The following DPY30 variants were observed in gnomAD, a reference collection of about 807,000 sequenced individuals.
DPY30 encodes protein dpy-30 homolog.
A neutral mutation model predicts 16.2 loss-of-function variants in DPY30; 6 were observed. That is an observed-to-expected ratio of 0.37 (90% confidence interval 0.20 to 0.73). The LOEUF (loss-of-function observed/expected upper bound fraction) is 0.73. Among genes scored for constraint, DPY30 ranks in the 30% least tolerant of loss-of-function variants. The probability of loss-of-function intolerance (pLI) is 0.51; values close to 1 mark genes in which losing one functional copy is unlikely to be tolerated. For missense variants in DPY30, 73 were observed against 113.1 expected (o/e 0.65, Z 1.61); for synonymous variants, 39 against 38.8 (o/e 1.00, Z -0.02).
At chr2:32,039,549 G>T in intron 1 of DPY30, 57 bp from the exon 2 acceptor site, 3 of 1,557,756 alleles carry the variant, frequency 1.9e-6, no homozygotes, top group Non-Finnish European at 2.6e-6. Context: ...GAAGACTCCA[G>T]GATGGAGTGC....
intron 4 of DPY30, among the ~76,000 whole-genome samples, chr2:32,027,198 C>G (rs1292863571): frequency 1.3e-5 from 2 of 148,742 alleles, no homozygotes; most frequent in African/African-American, 5.0e-5. Context: ...ATCATTTGAA[C>G]TGGGAGTCAG....
intron 3 of DPY30, among the ~76,000 whole-genome samples, 197 bp from the exon 4 acceptor site, chr2:32,029,933 A>G (rs1034606156): frequency 6.6e-6 from 1 of 152,110 alleles, no homozygotes; most frequent in African/African-American, 2.4e-5. Context: ...TCTCTCTCCA[A>G]AAGCACCTAT....
At chr2:32,020,661 T>C (rs1231466968), downstream of DPY30, among the ~76,000 whole-genome samples, 1 of 152,190 alleles carries the variant, frequency 6.6e-6, no homozygotes, top group East Asian at 1.9e-4. Flanking sequence ...TATATACAGC[T>C]TTTTGTTCAA....
chr2:32,027,140 G>A (rs1227176229), intron 4 of DPY30, among the ~76,000 whole-genome samples: 1 of 143,202 alleles, frequency 7.0e-6, no homozygotes. Context: ...GCCACGTGTG[G>A]TGGCACACAC....
intron 5 of DPY30, among the ~76,000 whole-genome samples, chr2:32,013,818 GCCAAAAGGGCAAAA>G (rs967391050): frequency 7.9e-5 from 12 of 152,040 alleles, no homozygotes; most frequent in Non-Finnish European, 1.6e-4. Flanking sequence ...GACCAGCCTG[GCCAAAAGGGCAAAA>G]CCCCATCTCC....
chr2:32,036,825 C>G (rs1011222065), intron 3 of DPY30, among the ~76,000 whole-genome samples: 1 of 151,946 alleles, frequency 6.6e-6, no homozygotes, highest in Non-Finnish European at 1.5e-5. Context: ...GCCGAGATTG[C>G]ACCACTGCAC....
downstream of DPY30, among the ~76,000 whole-genome samples, chr2:32,019,440 G>A (rs1422858032): frequency 6.6e-6 from 1 of 152,190 alleles, no homozygotes; most frequent in East Asian, 1.9e-4. Flanking sequence ...TTGAGCCGAG[G>A]AGGCAGATTT....
At chr2:32,037,915 C>T (rs1675807655) in intron 3 of DPY30, among the ~76,000 whole-genome samples, 1 of 151,848 alleles carries the variant, frequency 6.6e-6, no homozygotes, top group Non-Finnish European at 1.5e-5. Flanking sequence ...AGAGTAACAG[C>T]ATTTCTAAGC....
At chr2:32,034,625 C>T (rs1262564848) in intron 3 of DPY30, among the ~76,000 whole-genome samples, 1 of 152,142 alleles carries the variant, frequency 6.6e-6, no homozygotes, top group Non-Finnish European at 1.5e-5. Context: ...AATATCCAAA[C>T]TATATTACAC....
At chr2:32,035,787 A>G (rs962770019) in intron 3 of DPY30, among the ~76,000 whole-genome samples, 1 of 151,618 alleles carries the variant, frequency 6.6e-6, no homozygotes. Context: ...TACAAAAATT[A>G]GCTGGGCATG....
intron 5 of DPY30, among the ~76,000 whole-genome samples, chr2:32,017,057 A>G (rs1317036926): frequency 2.0e-5 from 3 of 150,982 alleles, no homozygotes; most frequent in Non-Finnish European, 4.4e-5. Flanking sequence ...TAATTTTTGT[A>G]TTTTTCGTAG....
chr2:32,025,230 C>T (rs951242386), intron 4 of DPY30, among the ~76,000 whole-genome samples: 5 of 151,984 alleles, frequency 3.3e-5, no homozygotes, highest in Admixed American at 2.0e-4. Context: ...TTTGGGAAGC[C>T]GAGGCGGGTG....
At position 32,023,965 on chromosome 2, in the gene DPY30, A is replaced by G; in HGVS notation, c.*219T>C. Reference sequence around the variant, plus strand: ...AAAACAAAGTTAAAGACAATCTGAGAAAAAAATTGCACAGAATACACTCAT... The same window carrying G: ...AAAACAAAGTTAAAGACAATCTGAGGAAAAAATTGCACAGAATACACTCAT... On this transcript the variant is annotated 3_prime_UTR_variant, in exon 5 of 5. Coordinates refer to ENST00000342166, the MANE Select transcript of DPY30 (RefSeq NM_001321209.2). The G allele has an allele frequency of 1.4e-6, 2 of 1,411,676 alleles. No individual in the cohort carries two copies. Among genetic ancestry groups the G allele is most frequent in the Non-Finnish European group, 1.8e-6 (2 of 1,084,720 alleles). 87.4% of individuals were successfully genotyped at this position (1,411,676 alleles called of 1,614,324 possible). A position where few individuals can be genotyped will look rare whatever the true frequency, so the allele number is the denominator to read the frequency against.
At chr2:32,036,546 C>T (rs1315830692) in intron 3 of DPY30, among the ~76,000 whole-genome samples, 1 of 151,824 alleles carries the variant, frequency 6.6e-6, no homozygotes, top group Non-Finnish European at 1.5e-5. Context: ...GTGGCGGCGC[C>T]TGTAGTCCCA....
At chr2:32,017,065 T>C (rs750435610) in intron 5 of DPY30, among the ~76,000 whole-genome samples, 14 of 151,928 alleles carry the variant, frequency 9.2e-5, no homozygotes, top group Non-Finnish European at 1.8e-4. Flanking sequence ...GTATTTTTCG[T>C]AGAGACAGGG....
chr2:32,036,596 G>A (rs1312515257), intron 3 of DPY30, among the ~76,000 whole-genome samples: 6 of 150,212 alleles, frequency 4.0e-5, no homozygotes, highest in Non-Finnish European at 7.4e-5. Context: ...GCATGAACCC[G>A]GAAGGCGGAG....
At chr2:32,016,393 G>A in intron 5 of DPY30, among the ~76,000 whole-genome samples, 1 of 152,050 alleles carries the variant, frequency 6.6e-6, no homozygotes, top group East Asian at 1.9e-4. Context: ...TTTCCAGTTT[G>A]ATGATATGTC....
At chr2:32,029,464 T>C (rs1675452517) in intron 4 of DPY30, 130 bp downstream of exon 4, 3 of 1,084,844 alleles carry the variant, frequency 2.8e-6, no homozygotes, top group Non-Finnish European at 3.9e-6. Context: ...TATGGCTGAA[T>C]ACTTTCTTAA....
At chr2:32,016,500 C>T (rs1278732127) in intron 5 of DPY30, among the ~76,000 whole-genome samples, 1 of 152,194 alleles carries the variant, frequency 6.6e-6, no homozygotes, top group Non-Finnish European at 1.5e-5. Flanking sequence ...TCTATCGCTT[C>T]TAACAGGAAG....
Sources: gnomAD v4.1 joint callset for allele counts (sites outside exome capture counted in the v4.1 genomes callset) on GRCh38, gnomAD v4.1.1 for gene constraint, MANE v1.5 for transcripts, NCBI Gene and HGNC (gene_info 2026-07-23, HGNC 2026-07-21) for gene names.